Variants in SIRT2 observed in about 807,000 individuals in gnomAD.
SIRT2 encodes NAD-dependent protein deacetylase sirtuin-2.
In SIRT2, 40 loss-of-function variants were observed where a neutral mutation model predicts 57.4. That is an observed-to-expected ratio of 0.70 (90% CI 0.54 to 0.91). SIRT2 has a LOEUF of 0.91. Ranked by LOEUF, SIRT2 falls within the 40% of genes least tolerant of loss-of-function variation. SIRT2 has a pLI of 0.00. For synonymous variants in SIRT2, 161 were observed against 195.7 expected, an observed-to-expected ratio of 0.82 and a Z score of 1.48; for missense variants, 439 against 510.4, an observed-to-expected ratio of 0.86 and a Z score of 1.35.
chr19:38,881,152 A>G lies in SIRT2; in HGVS notation c.695T>C (p.Ile232Thr), dbSNP rs780476499. The change falls in exon 11 of 16, where the codon ATC (isoleucine) becomes ACC (threonine). Residue 232 changes from isoleucine to threonine, a missense_variant. Coordinates refer to ENST00000249396, the MANE Select transcript of SIRT2 (RefSeq NM_012237.4). ...EDCQSLVKPD[I>T]VFFGESLPAR... ...TGGGAGGCTCTCACCAAAAAAGACG[A>G]TATCTGAGGTGGAGACAGATGGACG... 12 of 1,612,704 alleles carry G rather than the reference A, an allele frequency of 7.4e-6. No individual in the cohort carries two copies. Among genetic ancestry groups the G allele is most frequent in the African/African-American group, 4.0e-5 (3 of 74,896 alleles).
intron 5 of SIRT2, 45 bp downstream of exon 5, chr19:38,890,058 T>C (rs761102526): frequency 1.2e-6 from 2 of 1,612,070 alleles, no homozygotes; most frequent in Non-Finnish European, 1.7e-6. Flanking sequence ...TGGGAGGGAC[T>C]CCCCAGTTCC....
chr19:38,891,387 A>G (rs577895580), intron 4 of SIRT2, among the ~76,000 whole-genome samples: 2 of 152,238 alleles, frequency 1.3e-5, no homozygotes, highest in African/African-American at 4.8e-5. Flanking sequence ...CGTCTCTACT[A>G]AAAGTACAAA....
In SIRT2 at chr19:38,880,719, G is replaced by A. The variant is rs1410800711; in HGVS notation, c.842C>T (p.Pro281Leu). The change falls in exon 13 of 16, where the codon CCT becomes CTT. Residue 281 changes from proline to leucine, a missense_variant. Pro to Leu is a moderately conservative substitution (Grantham distance 98). Transcript: ENST00000249396. The surrounding 1 kb of genome is among the most constrained non-coding windows in gnomAD (Gnocchi z 4.1). ...TTTCTCCTTGTTGATGAGCAGGCGA[G>A]GGGTGGAGAGGGGTGCCCTGTGGGG... ...SLISKAPLSTPRLLINKEKAG... is the reference protein window; with the variant it reads ...SLISKAPLSTLRLLINKEKAG... The A allele has an allele frequency of 6.3e-7, 1 of 1,598,560 alleles. No homozygotes were observed. Among genetic ancestry groups the A allele is most frequent in the Non-Finnish European group, 8.5e-7 (1 of 1,169,654 alleles).
At chr19:38,892,009 C>T (rs536083646) in intron 4 of SIRT2, 1 of 440,142 alleles carries the variant, frequency 2.3e-6, no homozygotes, top group African/African-American at 2.0e-5. Context: ...CAACAAAAGG[C>T]TGCTCAGGAA....
chr19:38,880,621 T>C lies in SIRT2; in HGVS notation c.876+64A>G. ...GGGGTTCCACAGTGGGGGTTCCCTC[T>C]GAGGAAAAGGGTGAGAGGGAAGGGG... On this transcript the variant is annotated intron_variant, in intron 13 of 15. Coordinates refer to ENST00000249396, the MANE Select transcript of SIRT2 (RefSeq NM_012237.4). This position sits in a 1 kb window ranked among gnomAD's most constrained non-coding sequence, Gnocchi z 4.1. The C allele has an allele frequency of 8.4e-7, 1 of 1,192,762 alleles. No individual in the cohort carries two copies. Among genetic ancestry groups the C allele is most frequent in the Non-Finnish European group, 1.2e-6 (1 of 840,448 alleles). 73.9% of individuals were successfully genotyped at this position (1,192,762 alleles called of 1,614,324 possible).
In SIRT2 at chr19:38,893,828, C is replaced by G; in HGVS notation, c.103G>C (p.Glu35Gln). The change falls in exon 3 of 16, where the codon GAA (glutamate) becomes CAA (glutamine). Residue 35 changes from glutamate (E) to glutamine (Q), a missense_variant. Coordinates refer to ENST00000249396, the MANE Select transcript of SIRT2 (RefSeq NM_012237.4). Reference protein sequence around the residue: ...SDSEGGAAGGEADMDFLRNLF... With the variant: ...SDSEGGAAGGQADMDFLRNLF... The stretch of plus-strand genomic sequence containing the variant: ...CCAGGAAGATACTCACTGTCTGCTT[C>G]TCCACCAGCGGCTCCTCCCTCAGAG... 1 of 1,614,134 alleles carries G rather than the reference C, an allele frequency of 6.2e-7. No individual in the cohort carries two copies. Among genetic ancestry groups the G allele is most frequent in the Non-Finnish European group, 8.5e-7 (1 of 1,180,018 alleles).
rs576592653 is a variant in SIRT2 at position 38,880,450 on chromosome 19, A to G, written c.876+235T>C. 73 of 447,282 alleles carry G rather than the reference A, an allele frequency of 1.6e-4. No individual in the cohort carries two copies. Among genetic ancestry groups the G allele is most frequent in the Non-Finnish European group, 2.7e-4 (68 of 254,180 alleles). 27.7% of individuals were successfully genotyped at this position (447,282 alleles called of 1,614,324 possible). A position where few individuals can be genotyped will look rare whatever the true frequency, so the allele number is the denominator to read the frequency against. Reference sequence around the variant, plus strand: ...CCCCTCCCACCTCCTCAGTCCCTGGAAGCCCGGCCTTCCTATCTGGCTTCA... The same window carrying G: ...CCCCTCCCACCTCCTCAGTCCCTGGGAGCCCGGCCTTCCTATCTGGCTTCA... On this transcript the variant is annotated intron_variant, in intron 13 of 15. Transcript: ENST00000249396. This position sits in a 1 kb window ranked among gnomAD's most constrained non-coding sequence, Gnocchi z 4.1.
chr19:38,890,201 C>G, intron 4 of SIRT2, 57 bp from the exon 5 acceptor site: 2 of 1,558,026 alleles, frequency 1.3e-6, no homozygotes, highest in East Asian at 4.5e-5. Context: ...CCTACGATAG[C>G]ACCACCCATC....
At chr19:38,894,658 C>T (rs4801933) in intron 2 of SIRT2, among the ~76,000 whole-genome samples, 67,789 of 151,388 alleles carry the variant, frequency 0.45, 17,544 homozygotes, top group East Asian at 0.84. Flanking sequence ...AAAGCCTTGG[C>T]CCTCACTTCA....
At position 38,880,470 on chromosome 19, in the gene SIRT2, GCTTCA is replaced by G. The variant is rs1006381066; in HGVS notation, c.876+210_876+214del. 3 of 484,132 alleles carry G rather than the reference GCTTCA, an allele frequency of 6.2e-6. No individual in the cohort carries two copies. The highest frequency in any genetic ancestry group is 1.1e-5 in the Non-Finnish European group (3 of 275,558). 30.0% of individuals were successfully genotyped at this position (484,132 alleles called of 1,614,324 possible). ...CCTGGAAGCCCGGCCTTCCTATCTG[GCTTCA>G]GCTGGTTTGAGTTGGAATTCTATCA... On this transcript the variant is annotated intron_variant, in intron 13 of 15. Transcript: ENST00000249396. The surrounding 1 kb of genome is among the most constrained non-coding windows in gnomAD (Gnocchi z 4.1).
At position 38,879,205 on chromosome 19, in the gene SIRT2, G is replaced by A. The variant is rs1481255336; in HGVS notation, c.1120C>T (p.Pro374Ser). The change falls in exon 16 of 16, where the codon CCA becomes TCA. Residue 374 changes from proline to serine, a missense_variant. Transcript: ENST00000249396. ...STSASPKKSP[P>S]PAKDEARTTE... ...GTCCTGGCCTCGTCCTTGGCAGGTGGCGGGGACTTCTTGGGGGAAGCTGAA... is the reference window on the plus strand; with the variant it reads ...GTCCTGGCCTCGTCCTTGGCAGGTGACGGGGACTTCTTGGGGGAAGCTGAA... The A allele has an allele frequency of 6.3e-7, 1 of 1,590,236 alleles. No individual in the cohort carries two copies.
chr19:38,898,650 G>A, intron 1 of SIRT2: 1 of 384,906 alleles, frequency 2.6e-6, no homozygotes. Flanking sequence ...AGAGGCTGGA[G>A]AGGAAGATTT....
At chr19:38,883,521 A>G in intron 9 of SIRT2, 106 bp downstream of exon 9, 1 of 1,446,068 alleles carries the variant, frequency 6.9e-7, no homozygotes, top group Non-Finnish European at 9.4e-7. Flanking sequence ...AAACAAAACA[A>G]AAAAACCCCA....
In SIRT2 at chr19:38,880,906, A is replaced by C. The variant is rs374379865; in HGVS notation, c.748-9T>G. 1.1e-5 allele frequency: 18 copies of C among 1,612,746 alleles called. No individual in the cohort carries two copies. The highest frequency in any genetic ancestry group is 1.4e-5 in the Non-Finnish European group (17 of 1,179,482). ...TCCACCTTCAGGAAGTCCTGCGGGG[A>C]GGGGCGTGAGCTTGGGAGCCTCCGC... On this transcript the variant is annotated splice_polypyrimidine_tract_variant and intron_variant, in intron 11 of 15. Transcript: ENST00000249396. This position sits in a 1 kb window ranked among gnomAD's most constrained non-coding sequence, Gnocchi z 4.1.
intron 8 of SIRT2, among the ~76,000 whole-genome samples, chr19:38,888,836 C>G (rs915187143): frequency 1.3e-5 from 2 of 152,250 alleles, no homozygotes; most frequent in East Asian, 3.8e-4. Flanking sequence ...TGCCACCGCA[C>G]TGCAGACCTG....
chr19:38,891,746 T>C, intron 4 of SIRT2: 1 of 394,576 alleles, frequency 2.5e-6, no homozygotes, highest in South Asian at 1.9e-5. Context: ...CAACTAATTG[T>C]TATTTTTCAT....
At position 38,880,485 on chromosome 19, in the gene SIRT2, A is replaced by G; in HGVS notation, c.876+200T>C. 2.1e-6 allele frequency: 1 copy of G among 485,074 alleles called. No individual in the cohort carries two copies. Among genetic ancestry groups the G allele is most frequent in the Non-Finnish European group, 3.6e-6 (1 of 275,216 alleles). The allele number at this position is 485,074 out of a possible 1,614,324, so 30.0% of individuals were successfully genotyped here. On this transcript the variant is annotated intron_variant, in intron 13 of 15. Coordinates refer to ENST00000249396, the MANE Select transcript of SIRT2 (RefSeq NM_012237.4). This position sits in a 1 kb window ranked among gnomAD's most constrained non-coding sequence, Gnocchi z 4.1. Reference sequence around the variant, plus strand: ...TTCCTATCTGGCTTCAGCTGGTTTGAGTTGGAATTCTATCACTTGCTCAAA... The same window carrying G: ...TTCCTATCTGGCTTCAGCTGGTTTGGGTTGGAATTCTATCACTTGCTCAAA...
In SIRT2 at chr19:38,878,614, T is replaced by A. The variant is rs1973010479; in HGVS notation, c.*541A>T. 1 of 152,682 alleles carries A rather than the reference T, an allele frequency of 6.5e-6. No homozygotes were observed. Among genetic ancestry groups the A allele is most frequent in the Non-Finnish European group, 1.5e-5 (1 of 68,332 alleles). The allele number at this position is 152,682 out of a possible 1,614,324, so 9.5% of individuals were successfully genotyped here. On this transcript the variant is annotated 3_prime_UTR_variant, in exon 16 of 16. Transcript: ENST00000249396. ...TCCAATAAGCAATGTCTTCTGCCCATCCAGCATGGGAAGTGGGTCCCACGT... is the reference window on the plus strand; with the variant it reads ...TCCAATAAGCAATGTCTTCTGCCCAACCAGCATGGGAAGTGGGTCCCACGT...
chr19:38,885,364 C>T lies in SIRT2; in HGVS notation c.502-1608G>A, dbSNP rs537517897. ...AAGTGATCCTCCCACTTCAGCCTCC[C>T]AAAGCGTTGGGATTACAGGCGTGAG... On this transcript the variant is annotated intron_variant, in intron 8 of 15. Coordinates refer to ENST00000249396, the MANE Select transcript of SIRT2 (RefSeq NM_012237.4). Among the ~76,000 whole-genome samples the T allele has an allele frequency of 2.0e-5, 3 of 152,086 alleles. No homozygotes were observed. The East Asian group carries it at 5.8e-4, about 29-fold the overall frequency.
Sources: allele counts gnomAD v4.1 joint callset (sites outside exome capture counted in the v4.1 genomes callset), GRCh38; gene constraint gnomAD v4.1.1; non-coding constraint Gnocchi (gnomAD v3.1); transcripts MANE v1.5; gene names NCBI Gene and HGNC (gene_info 2026-07-23, HGNC 2026-07-21).